MMP26: variants seen among roughly 807,000 people sequenced by gnomAD.
The protein encoded by MMP26 is matrix metallopeptidase 26, also known as matrix metalloproteinase-26.
Under a neutral mutation model 31.0 loss-of-function variants are expected in MMP26, and 33 were observed. The ratio of observed to expected loss-of-function variants is 1.06; its 90% CI spans 0.81 to 1.42. MMP26 has a LOEUF of 1.42. MMP26 is among the 40% of genes most tolerant of loss of function. MMP26 has a pLI of 0.00. For synonymous variants in MMP26, 122 were observed against 114.9 expected (o/e 1.06, Z -0.40); for missense variants, 347 against 316.1 (o/e 1.10, Z -0.74).
At chr11:4,923,592 C>A in intron 2 of MMP26, 1 of 1,614,034 alleles carries the variant, frequency 6.2e-7, no homozygotes, top group Non-Finnish European at 8.5e-7. Flanking sequence ...AAGAGCAGTA[C>A]AGCACAGATA....
chr11:4,899,205 A>G (rs1463132817), intron 2 of MMP26, among the ~76,000 whole-genome samples: 1 of 152,198 alleles, frequency 6.6e-6, no homozygotes. Context: ...TTAGTTCCGA[A>G]GAAAGGCTGA....
At position 4,704,937 on chromosome 11, in the gene MMP26, T is replaced by C. The variant is rs933467568; in HGVS notation, c.-325T>C. 6.6e-6 allele frequency: 1 copy of C among 152,200 alleles called. No individual in the cohort carries two copies. The highest frequency in any genetic ancestry group is 1.5e-5 in the Non-Finnish European group (1 of 68,046). The allele number at this position is 152,200 out of a possible 1,614,324, so 9.4% of individuals were successfully genotyped here. ...TTAGTGAGGTTGAGATAACTCTCTC[T>C]CACTTGCTTTGCATTAATAGATTCT... On this transcript the variant is annotated 5_prime_UTR_variant, in exon 1 of 8. Transcript: ENST00000380390.
chr11:4,894,532 G>A (rs1344599703), intron 2 of MMP26, among the ~76,000 whole-genome samples: 1 of 152,092 alleles, frequency 6.6e-6, no homozygotes, highest in Non-Finnish European at 1.5e-5. Flanking sequence ...CAGTTTCATT[G>A]CCCTATAGAG....
chr11:4,903,670 G>A (rs1564803591), intron 2 of MMP26: 2 of 152,058 alleles, frequency 1.3e-5, no homozygotes, highest in African/African-American at 2.4e-5. Context: ...CCCTTTCTGT[G>A]TAAGCTTGAT....
intron 2 of MMP26, among the ~76,000 whole-genome samples, chr11:4,956,016 A>G (rs1447248014): frequency 6.6e-6 from 1 of 152,168 alleles, no homozygotes; most frequent in African/African-American, 2.4e-5. Context: ...TACACGTCTG[A>G]TTTTATTTTT....
intron 2 of MMP26, among the ~76,000 whole-genome samples, chr11:4,907,132 A>C (rs1296741612): frequency 6.7e-6 from 1 of 149,918 alleles, no homozygotes; most frequent in Non-Finnish European, 1.5e-5. Context: ...AAATCCTAAA[A>C]AGTCACCAAC....
intron 2 of MMP26, among the ~76,000 whole-genome samples, chr11:4,958,841 G>C (rs894091908): frequency 3.3e-5 from 5 of 152,140 alleles, no homozygotes; most frequent in African/African-American, 1.2e-4. Flanking sequence ...CAGAGGGTTA[G>C]TAATAAACAT....
intron 2 of MMP26, chr11:4,881,694 G>A (rs1850464692): frequency 7.3e-6 from 4 of 549,278 alleles, no homozygotes; most frequent in Admixed American, 3.3e-5. Flanking sequence ...TAGTAAATTT[G>A]GTTTTGAATT....
chr11:4,707,510 A>G lies in MMP26; in HGVS notation c.-217+2465A>G, dbSNP rs182144479. Among the ~76,000 whole-genome samples, 938 of 152,278 alleles carry G rather than the reference A, an allele frequency of 6.2e-3. 10 individuals are homozygous for G. Among genetic ancestry groups the G allele is most frequent in the African/African-American group, 0.021 (862 of 41,564 alleles). On this transcript the variant is annotated intron_variant, in intron 1 of 7. Transcript: ENST00000380390. Reference sequence around the variant, plus strand: ...CATTAAATTGAGAGGCTGCTTCCTCATTTTTAAAATAAAGAGTGTATGACC... The same window carrying G: ...CATTAAATTGAGAGGCTGCTTCCTCGTTTTTAAAATAAAGAGTGTATGACC...
At chr11:4,965,606 A>G (rs1026918265) in intron 2 of MMP26, among the ~76,000 whole-genome samples, 11 of 152,330 alleles carry the variant, frequency 7.2e-5, no homozygotes, top group African/African-American at 2.6e-4. Context: ...GAAAGACTAC[A>G]GGGAAAAGTT....
chr11:4,723,339 G>A, intron 1 of MMP26: 2 of 971,360 alleles, frequency 2.1e-6, no homozygotes, highest in South Asian at 1.3e-5. Context: ...ACTTGATCTG[G>A]TGCATGCTCT....
chr11:4,955,886 A>G (rs1357873881), intron 2 of MMP26, among the ~76,000 whole-genome samples: 2 of 152,228 alleles, frequency 1.3e-5, no homozygotes, highest in Non-Finnish European at 2.9e-5. Context: ...TTATGTGGCT[A>G]TCATAATGAA....
intron 2 of MMP26, among the ~76,000 whole-genome samples, chr11:4,986,940 T>TCTCTCTCC (rs1846905326): frequency 1.7e-5 from 2 of 117,974 alleles, no homozygotes; most frequent in African/African-American, 6.7e-5. Context: ...TCCCTCTCTC[T>TCTCTCTCC]CTCTCTCTCT....
At chr11:4,710,100 C>T (rs1847839681) in intron 1 of MMP26, 2 of 456,656 alleles carry the variant, frequency 4.4e-6, no homozygotes, top group Non-Finnish European at 8.8e-6. Context: ...TGTGCTCCAC[C>T]ATTCCTACTG....
chr11:4,887,471 G>C (rs1200761186), intron 2 of MMP26, among the ~76,000 whole-genome samples: 2 of 152,104 alleles, frequency 1.3e-5, no homozygotes, highest in African/African-American at 2.4e-5. Flanking sequence ...CTGAGTTGAG[G>C]AGAAAAACTA....
In MMP26 at chr11:4,828,283, G is replaced by T. The variant is rs554778555; in HGVS notation, c.-145+60942G>T. Among the ~76,000 whole-genome samples, 26 of 152,192 alleles carry T rather than the reference G, an allele frequency of 1.7e-4. 1 individual carries two copies. Among genetic ancestry groups the T allele is most frequent in the Admixed American group, 4.6e-4 (7 of 15,264 alleles). On this transcript the variant is annotated intron_variant, in intron 2 of 7. Coordinates refer to ENST00000380390, the MANE Select transcript of MMP26 (RefSeq NM_021801.5). ...GGTTTAGGCTCAAGGTTTTCTGGAA[G>T]TTTACCTCTAAAAGTTTCTGAAAGC...
chr11:4,817,907 C>T (rs947064174), intron 2 of MMP26, among the ~76,000 whole-genome samples: 1 of 152,088 alleles, frequency 6.6e-6, no homozygotes, highest in East Asian at 1.9e-4. Context: ...GCACCTCTTC[C>T]TCTGTTGGGA....
chr11:4,967,025 G>T (rs2133626925), intron 2 of MMP26, among the ~76,000 whole-genome samples: 1 of 152,264 alleles, frequency 6.6e-6, no homozygotes, highest in East Asian at 1.9e-4. Flanking sequence ...GTAAATTTCT[G>T]AGTGGTTCAC....
chr11:4,915,544 A>G lies in MMP26; in HGVS notation c.-144-72524A>G, dbSNP rs372813436. On this transcript the variant is annotated intron_variant, in intron 2 of 7. Coordinates refer to ENST00000380390, the MANE Select transcript of MMP26 (RefSeq NM_021801.5). ...TGCAGTTGCCCGGGATGGAAACCAGATACATGAAGCACAGTGGGATGGAGA... is the reference window on the plus strand; with the variant it reads ...TGCAGTTGCCCGGGATGGAAACCAGGTACATGAAGCACAGTGGGATGGAGA... 1.1e-5 allele frequency: 17 copies of G among 1,613,950 alleles called. No individual in the cohort carries two copies. The African/African-American group carries it at 2.3e-4, about 22-fold the overall frequency.
Sources: gnomAD v4.1 joint callset for allele counts (sites outside exome capture counted in the v4.1 genomes callset) on GRCh38, gnomAD v4.1.1 for gene constraint, MANE v1.5 for transcripts, NCBI Gene and HGNC (gene_info 2026-07-23, HGNC 2026-07-21) for gene names.